Variants in NWD2 observed in about 807,000 individuals in gnomAD.
The protein encoded by NWD2 is NACHT and WD repeat domain-containing protein 2.
A neutral mutation model predicts 132.7 loss-of-function variants in NWD2; 37 were observed. That is an observed-to-expected ratio of 0.28 (90% confidence interval 0.21 to 0.37). The LOEUF (loss-of-function observed/expected upper bound fraction) is 0.37. NWD2 is among the 10% of genes least tolerant of loss of function. The pLI is 1.00. For synonymous variants in NWD2, 705 were observed against 803.0 expected, an observed-to-expected ratio of 0.88 and a Z score of 2.06; for missense variants, 1,592 against 2,122.4, an observed-to-expected ratio of 0.75 and a Z score of 4.91.
chr4:37,291,875 T>C (rs1222012226), intron 1 of NWD2, among the ~76,000 whole-genome samples: 1 of 152,230 alleles, frequency 6.6e-6, no homozygotes, highest in African/African-American at 2.4e-5. Flanking sequence ...ATGCATTATA[T>C]ACCCTTGGTA....
intron 2 of NWD2, among the ~76,000 whole-genome samples, chr4:37,345,766 A>G (rs951889767): frequency 4.6e-5 from 7 of 152,088 alleles, no homozygotes; most frequent in Admixed American, 3.3e-4. Context: ...CCAATAAACT[A>G]TTGTTGAATC....
chr4:37,402,761 G>A (rs1160795902), intron 3 of NWD2, among the ~76,000 whole-genome samples: 8 of 152,094 alleles, frequency 5.3e-5, no homozygotes, highest in East Asian at 1.9e-4. Flanking sequence ...AAAACTTTGG[G>A]AAGACTCAAT....
intron 2 of NWD2, among the ~76,000 whole-genome samples, chr4:37,329,405 T>G (rs947852631): frequency 6.6e-6 from 1 of 152,102 alleles, no homozygotes; most frequent in Non-Finnish European, 1.5e-5. Context: ...GCATGCCAGG[T>G]AGTCAGAGAA....
rs894714576 is a variant in NWD2, at chr4:37,398,523, C to T, written c.358-32049C>T. Among the ~76,000 whole-genome samples the T allele has an allele frequency of 3.3e-5, 5 of 152,116 alleles. No homozygotes were observed. The South Asian group carries it at 8.3e-4, about 25-fold the overall frequency. ...GCATGCAGAGTTTAAAACCTACATG[C>T]CGGGTTCATAGGTGCAGCAAACCAT... On this transcript the variant is annotated intron_variant, in intron 3 of 6. Coordinates refer to ENST00000309447, the MANE Select transcript of NWD2 (RefSeq NM_001144990.2).
At chr4:37,298,591 A>G (rs1319400978) in intron 1 of NWD2, among the ~76,000 whole-genome samples, 1 of 152,146 alleles carries the variant, frequency 6.6e-6, no homozygotes, top group Non-Finnish European at 1.5e-5. Flanking sequence ...GTGGATGGGC[A>G]GATGGATAGG....
At chr4:37,373,867 A>C (rs1159895724) in intron 3 of NWD2, among the ~76,000 whole-genome samples, 3 of 152,242 alleles carry the variant, frequency 2.0e-5, no homozygotes, top group Non-Finnish European at 2.9e-5. Context: ...TGCACTAAGA[A>C]GGTAATGTAT....
chr4:37,446,689 C>G lies in NWD2; in HGVS notation c.4701C>G (p.Ile1567Met). Reference protein sequence around the residue: ...KLRVVHASGIIWRQRLSRDGR... With the variant: ...KLRVVHASGIMWRQRLSRDGR... ...GGGTGGTTCACGCCTCTGGGATCAT[C>G]TGGCGGCAGAGGTTGTCTCGGGATG... Residue 1567 changes from isoleucine to methionine, a missense_variant, in exon 7 of 7, where the codon ATC (isoleucine) becomes ATG (methionine). Ile to Met is a conservative substitution (Grantham distance 10). Around this residue, in one of 7 missense-constraint regions of NWD2, gnomAD observed 257 missense variants for 335.0 expected, o/e 0.77. Transcript: ENST00000309447. This position sits in a 1 kb window ranked among gnomAD's most constrained non-coding sequence, Gnocchi z 6.7. The G allele has an allele frequency of 2.6e-6, 4 of 1,551,522 alleles. No individual in the cohort carries two copies. In the South Asian group the frequency reaches 4.8e-5, roughly 18 times the overall value.
At chr4:37,262,269 C>CTA (rs1717654950) in intron 1 of NWD2, among the ~76,000 whole-genome samples, 1 of 152,160 alleles carries the variant, frequency 6.6e-6, no homozygotes, top group Non-Finnish European at 1.5e-5. Flanking sequence ...ATTTAAGGAG[C>CTA]ATATTCACTC....
chr4:37,329,730 T>C (rs1444671708), intron 2 of NWD2, among the ~76,000 whole-genome samples: 1 of 152,146 alleles, frequency 6.6e-6, no homozygotes, highest in East Asian at 1.9e-4. Flanking sequence ...ACTTAGAATT[T>C]TATTGAGTTG....
chr4:37,382,331 G>A (rs1332436177), intron 3 of NWD2, among the ~76,000 whole-genome samples: 1 of 152,106 alleles, frequency 6.6e-6, no homozygotes, highest in East Asian at 1.9e-4. Flanking sequence ...CACTACACCT[G>A]CACTCCAGTG....
At chr4:37,272,691 T>G (rs1179632744) in intron 1 of NWD2, among the ~76,000 whole-genome samples, 1 of 151,812 alleles carries the variant, frequency 6.6e-6, no homozygotes, top group Non-Finnish European at 1.5e-5. Flanking sequence ...ATATAAATAT[T>G]ATTTATTAAT....
intron 1 of NWD2, among the ~76,000 whole-genome samples, chr4:37,310,999 T>C (rs1490027988): frequency 3.3e-5 from 5 of 152,096 alleles, no homozygotes; most frequent in Non-Finnish European, 5.9e-5. Context: ...TTCCATTGTG[T>C]ATATGTGCCA....
intron 1 of NWD2, among the ~76,000 whole-genome samples, chr4:37,249,889 C>T (rs754503815): frequency 2.0e-5 from 3 of 152,078 alleles, no homozygotes; most frequent in South Asian, 2.1e-4. Flanking sequence ...GTTTGTTCTC[C>T]GTTACAGTGG....
chr4:37,412,862 CACAA>C (rs1299626892), intron 3 of NWD2, among the ~76,000 whole-genome samples: 2 of 152,182 alleles, frequency 1.3e-5, no homozygotes, highest in African/African-American at 2.4e-5. Flanking sequence ...ACAATCCTGA[CACAA>C]ACAAGCAATG....
intron 2 of NWD2, 82 bp downstream of exon 2, chr4:37,326,106 A>G: frequency 2.2e-6 from 2 of 912,392 alleles, no homozygotes; most frequent in Non-Finnish European, 3.4e-6. Context: ...TGAGTGTTGT[A>G]AAAGACAAGT....
intron 3 of NWD2, among the ~76,000 whole-genome samples, chr4:37,393,826 T>C (rs1482220031): frequency 6.6e-6 from 1 of 152,206 alleles, no homozygotes; most frequent in African/African-American, 2.4e-5. Context: ...TCAGCTCCAT[T>C]GGGCCACTTG....
intron 2 of NWD2, among the ~76,000 whole-genome samples, chr4:37,343,824 T>C (rs1251497489): frequency 6.6e-6 from 1 of 152,176 alleles, no homozygotes; most frequent in Non-Finnish European, 1.5e-5. Context: ...TTTTTACAGA[T>C]TGCTTTATTG....
chr4:37,388,643 AATAT>A (rs770655287), intron 3 of NWD2, among the ~76,000 whole-genome samples: 7 of 111,414 alleles, frequency 6.3e-5, no homozygotes, highest in African/African-American at 2.7e-4. Flanking sequence ...ATCATATATA[AATAT>A]ATATATCATA....
At chr4:37,274,631 A>G (rs2109265056) in intron 1 of NWD2, among the ~76,000 whole-genome samples, 1 of 152,228 alleles carries the variant, frequency 6.6e-6, no homozygotes, top group East Asian at 1.9e-4. Flanking sequence ...ACAACAAAAA[A>G]AGAGAATTTT....
Sources: gnomAD v4.1 joint callset for allele counts (sites outside exome capture counted in the v4.1 genomes callset) on GRCh38, gnomAD v4.1.1 for gene constraint, gnomAD v4.1.1 regional missense constraint, Gnocchi (gnomAD v3.1) non-coding constraint, MANE v1.5 for transcripts, NCBI Gene and HGNC (gene_info 2026-07-23, HGNC 2026-07-21) for gene names.